Variants in AGBL4 observed in about 807,000 individuals in gnomAD.
AGBL4 encodes cytosolic carboxypeptidase 6.
A neutral mutation model predicts 66.4 loss-of-function variants in AGBL4; 58 were observed. The ratio of observed to expected loss-of-function variants is 0.87; its 90% CI spans 0.71 to 1.09. The LOEUF (loss-of-function observed/expected upper bound fraction) is 1.09, where lower values mean the gene tolerates loss of function less well. Ranked by LOEUF, AGBL4 falls within the 50% of genes least tolerant of loss-of-function variation. AGBL4 has a pLI of 0.00. For missense variants in AGBL4, 579 were observed against 631.0 expected (o/e 0.92, Z 0.88); for synonymous variants, 234 against 222.9 (o/e 1.05, Z -0.44).
At chr1:48,776,681 G>T in intron 6 of AGBL4, 1 of 1,511,916 alleles carries the variant, frequency 6.6e-7, no homozygotes, top group Non-Finnish European at 8.8e-7. Context: ...GGGCTCTCGG[G>T]CCCGGCGCCC....
intron 4 of AGBL4, among the ~76,000 whole-genome samples, chr1:49,151,658 C>A (rs147233795): frequency 3.0e-4 from 46 of 151,200 alleles, no homozygotes; most frequent in African/African-American, 1.1e-3. Context: ...GATATTCTGG[C>A]GAAAAAAGAC....
rs192391723 is a variant in AGBL4 at position 49,414,129 on chromosome 1, A to G, written c.283-168265T>C. On this transcript the variant is annotated intron_variant, in intron 3 of 13. Coordinates refer to ENST00000371839, the MANE Select transcript of AGBL4 (RefSeq NM_032785.4). ...GTTCTATACATTCTCCTCTAAAACCATATGTTTAAATACATGTGTATGTAT... is the reference window on the plus strand; with the variant it reads ...GTTCTATACATTCTCCTCTAAAACCGTATGTTTAAATACATGTGTATGTAT... 3.9e-5 allele frequency among the ~76,000 whole-genome samples: 6 copies of G among 152,280 alleles called. No homozygotes were observed. In the South Asian group the frequency reaches 6.2e-4, roughly 16 times the overall value.
At chr1:48,590,143 G>A (rs943267510) in intron 10 of AGBL4, among the ~76,000 whole-genome samples, 17 of 152,170 alleles carry the variant, frequency 1.1e-4, no homozygotes, top group South Asian at 2.1e-4. Flanking sequence ...GGTGGCTCAC[G>A]CCTGTAATCC....
intron 1 of AGBL4, among the ~76,000 whole-genome samples, chr1:49,917,673 A>T (rs913579696): frequency 6.6e-6 from 1 of 152,168 alleles, no homozygotes; most frequent in Non-Finnish European, 1.5e-5. Context: ...CAGACAGATC[A>T]ATGAGACAGA....
intron 5 of AGBL4, among the ~76,000 whole-genome samples, chr1:48,992,390 C>A (rs190404593): frequency 2.0e-5 from 3 of 152,168 alleles, no homozygotes; most frequent in South Asian, 4.2e-4. Context: ...GAGCAAATAT[C>A]CCTGTGGCCA....
At chr1:48,751,930 T>C (rs1651801911) in intron 6 of AGBL4, among the ~76,000 whole-genome samples, 1 of 152,194 alleles carries the variant, frequency 6.6e-6, no homozygotes, top group Non-Finnish European at 1.5e-5. Context: ...TTTTAAACTG[T>C]GGCTACTTCT....
At chr1:49,806,268 TAAAG>T (rs1644975445) in intron 2 of AGBL4, among the ~76,000 whole-genome samples, 1 of 152,126 alleles carries the variant, frequency 6.6e-6, no homozygotes. Context: ...TAGAAAGAAA[TAAAG>T]AACATATTAA....
At chr1:48,852,919 C>T (rs892873409) in intron 6 of AGBL4, among the ~76,000 whole-genome samples, 8 of 152,068 alleles carry the variant, frequency 5.3e-5, no homozygotes, top group South Asian at 2.1e-4. Context: ...ATCATTTTGG[C>T]GCTGGCCTCC....
chr1:49,436,689 G>T (rs1404694649), intron 3 of AGBL4, among the ~76,000 whole-genome samples: 1 of 152,104 alleles, frequency 6.6e-6, no homozygotes, highest in Non-Finnish European at 1.5e-5. Context: ...TACTTGTTCT[G>T]TATTTTTAAA....
chr1:49,312,092 T>C (rs1368053367), intron 3 of AGBL4, among the ~76,000 whole-genome samples: 8 of 152,122 alleles, frequency 5.3e-5, no homozygotes, highest in Admixed American at 1.3e-4. Flanking sequence ...TGCTATGGTT[T>C]GAATGCTTGT....
intron 3 of AGBL4, among the ~76,000 whole-genome samples, chr1:49,406,552 T>C (rs1219798865): frequency 6.6e-6 from 1 of 152,202 alleles, no homozygotes; most frequent in Admixed American, 6.5e-5. Flanking sequence ...AGTTTTTATA[T>C]ATTTTAGTAG....
intron 5 of AGBL4, among the ~76,000 whole-genome samples, chr1:48,893,074 G>T (rs2148858592): frequency 6.6e-6 from 1 of 152,178 alleles, no homozygotes; most frequent in East Asian, 1.9e-4. Flanking sequence ...ATATCCATGA[G>T]AACACCCCTA....
At chr1:49,856,772 A>G (rs1448342395) in intron 1 of AGBL4, among the ~76,000 whole-genome samples, 2 of 152,090 alleles carry the variant, frequency 1.3e-5, no homozygotes, top group East Asian at 3.8e-4. Flanking sequence ...CTGTAACATC[A>G]TACTGAATAC....
chr1:48,732,304 C>G (rs1358969682), intron 6 of AGBL4, among the ~76,000 whole-genome samples: 2 of 152,072 alleles, frequency 1.3e-5, no homozygotes, highest in Admixed American at 6.6e-5. Context: ...CCAGTGGGCA[C>G]TTTGATCATA....
chr1:48,817,040 G>A (rs947965956), intron 6 of AGBL4, among the ~76,000 whole-genome samples: 1 of 152,166 alleles, frequency 6.6e-6, no homozygotes, highest in Non-Finnish European at 1.5e-5. Context: ...TGAAATAGAA[G>A]TTAGTCCATT....
At chr1:49,634,317 G>C (rs1182118315) in intron 3 of AGBL4, among the ~76,000 whole-genome samples, 1 of 152,112 alleles carries the variant, frequency 6.6e-6, no homozygotes, top group Non-Finnish European at 1.5e-5. Context: ...TGCAGTGTTT[G>C]CTTTTCTGTT....
At chr1:49,672,776 T>C (rs1348712118) in intron 3 of AGBL4, among the ~76,000 whole-genome samples, 2 of 150,864 alleles carry the variant, frequency 1.3e-5, no homozygotes, top group Non-Finnish European at 3.0e-5. Flanking sequence ...CCAAAAATTA[T>C]CTGGGCGTGG....
chr1:48,666,465 T>G lies in AGBL4; in HGVS notation c.635-3224A>C, dbSNP rs192823476. ...AAAACACTGGGCAGCTACACCTGGC[T>G]CCCCAGTTAAACAGCAGGTGTTTGA... On this transcript the variant is annotated intron_variant, in intron 6 of 13. Coordinates refer to ENST00000371839, the MANE Select transcript of AGBL4 (RefSeq NM_032785.4). 1.4e-4 allele frequency among the ~76,000 whole-genome samples: 22 copies of G among 152,248 alleles called. No individual in the cohort carries two copies. In the East Asian group the frequency reaches 4.1e-3, roughly 28 times the overall value.
chr1:49,670,010 T>C (rs1646446086), intron 3 of AGBL4, among the ~76,000 whole-genome samples: 1 of 152,084 alleles, frequency 6.6e-6, no homozygotes, highest in South Asian at 2.1e-4. Context: ...TAAATGCTAC[T>C]ACAAAGAGAT....
Sources: allele counts gnomAD v4.1 joint callset (sites outside exome capture counted in the v4.1 genomes callset), GRCh38; gene constraint gnomAD v4.1.1; transcripts MANE v1.5; gene names NCBI Gene and HGNC (gene_info 2026-07-23, HGNC 2026-07-21).